The following KIF13B variants were observed in gnomAD, a reference collection of about 807,000 sequenced individuals.
The protein encoded by KIF13B is kinesin-like protein KIF13B.
KIF13B carries 127 observed loss-of-function variants against 222.0 expected under a neutral mutation model. That is an observed-to-expected ratio of 0.57 (90% CI 0.50 to 0.66). The LOEUF is 0.66. Ranked by LOEUF, KIF13B falls within the 30% of genes least tolerant of loss-of-function variation. The probability of loss-of-function intolerance (pLI) is 0.00; values close to 1 mark genes in which losing one functional copy is unlikely to be tolerated. For missense variants in KIF13B, 2,173 were observed against 2,379.0 expected (o/e 0.91, Z 1.80); for synonymous variants, 976 against 919.0 (o/e 1.06, Z -1.12).
rs560438202 is a variant in KIF13B at position 29,224,299 on chromosome 8, G to A, written c.149+21047C>T. Among the ~76,000 whole-genome samples, 15 of 152,118 alleles carry A rather than the reference G, an allele frequency of 9.9e-5. No homozygotes were observed. In the Middle Eastern group the frequency reaches 0.014, roughly 138 times the overall value. Reference sequence around the variant, plus strand: ...ATTACAGGCGTGAGCCACCGCGCCCGGCCTCAGTTTTCTTAAACATCAATA... The same window carrying A: ...ATTACAGGCGTGAGCCACCGCGCCCAGCCTCAGTTTTCTTAAACATCAATA... On this transcript the variant is annotated intron_variant, in intron 2 of 39. Transcript: ENST00000524189.
At chr8:29,144,876 A>G (rs1464606303) in intron 18 of KIF13B, among the ~76,000 whole-genome samples, 1 of 152,252 alleles carries the variant, frequency 6.6e-6, no homozygotes, top group Non-Finnish European at 1.5e-5. Flanking sequence ...GCCAGGCGAC[A>G]TGAGTTCTTC....
intron 24 of KIF13B, among the ~76,000 whole-genome samples, chr8:29,128,709 G>T (rs2129803433): frequency 6.6e-6 from 1 of 152,240 alleles, no homozygotes; most frequent in African/African-American, 2.4e-5. Context: ...GAAAGGATCT[G>T]GCAATGGTTT....
chr8:29,188,678 A>C, intron 4 of KIF13B, 71 bp from the exon 5 acceptor site: 2 of 960,916 alleles, frequency 2.1e-6, no homozygotes, highest in South Asian at 1.5e-5. Flanking sequence ...CAAAACAAAA[A>C]CAAAAATCTC....
intron 3 of KIF13B, among the ~76,000 whole-genome samples, chr8:29,192,716 A>C (rs747377413): frequency 6.6e-6 from 1 of 152,226 alleles, no homozygotes; most frequent in African/African-American, 2.4e-5. Context: ...AATTAGGTTA[A>C]GATGGTAAAT....
intron 2 of KIF13B, among the ~76,000 whole-genome samples, chr8:29,205,274 A>G (rs1245321746): frequency 6.6e-6 from 1 of 152,204 alleles, no homozygotes; most frequent in East Asian, 1.9e-4. Context: ...AGAAGACATC[A>G]CATTAGAAAA....
In KIF13B at chr8:29,228,472, A is replaced by AAAAAAAAAATATAT; in HGVS notation, c.149+16873_149+16874insATATATTTTTTTTT. 2.0e-3 allele frequency among the ~76,000 whole-genome samples: 234 copies of AAAAAAAAAATATAT among 117,064 alleles called. 9 individuals are homozygous for AAAAAAAAAATATAT. The highest frequency in any genetic ancestry group is 7.0e-3 in the African/African-American group (216 of 30,714). 76.8% of individuals were successfully genotyped at this position (117,064 alleles called of 152,430 possible). On this transcript the variant is annotated intron_variant, in intron 2 of 39. Coordinates refer to ENST00000524189, the MANE Select transcript of KIF13B (RefSeq NM_015254.4). ...ACAGAGCCAGACTCCATCTTAAAAA[A>AAAAAAAAAATATAT]ATATATATATATATATATGAGATAC...
chr8:29,133,449 C>A (rs891711809), intron 22 of KIF13B, among the ~76,000 whole-genome samples: 1 of 151,930 alleles, frequency 6.6e-6, no homozygotes, highest in Admixed American at 6.6e-5. Flanking sequence ...AAATTAGCTG[C>A]GCATGGTGGC....
At chr8:29,238,172 T>C (rs988987344) in intron 2 of KIF13B, among the ~76,000 whole-genome samples, 8 of 152,210 alleles carry the variant, frequency 5.3e-5, no homozygotes, top group East Asian at 1.9e-4. Context: ...AGCATCCATA[T>C]AGCAGTAGAG....
At chr8:29,263,117 C>G, upstream of KIF13B, 1 of 1,255,696 alleles carries the variant, frequency 8.0e-7, no homozygotes, top group South Asian at 1.3e-5. Flanking sequence ...CGGGAGGGGG[C>G]CGGGGGCGGA....
At chr8:29,209,362 A>G (rs1814103573) in intron 2 of KIF13B, among the ~76,000 whole-genome samples, 1 of 152,148 alleles carries the variant, frequency 6.6e-6, no homozygotes, top group African/African-American at 2.4e-5. Flanking sequence ...TACTCTCTGC[A>G]GCTCACACAG....
intron 2 of KIF13B, among the ~76,000 whole-genome samples, chr8:29,233,465 C>A (rs75486564): frequency 0.021 from 3,133 of 152,292 alleles, 114 homozygotes; most frequent in African/African-American, 0.07. Flanking sequence ...TACACATTTA[C>A]GTGACATTGC....
intron 2 of KIF13B, among the ~76,000 whole-genome samples, chr8:29,244,702 A>C (rs1230155705): frequency 2.6e-5 from 4 of 152,138 alleles, no homozygotes; most frequent in Non-Finnish European, 4.4e-5. Context: ...TACTAAGAAA[A>C]CCCAAAATAA....
intron 38 of KIF13B, among the ~76,000 whole-genome samples, chr8:29,074,377 A>C (rs937262656): frequency 2.0e-5 from 3 of 152,230 alleles, no homozygotes; most frequent in Non-Finnish European, 2.9e-5. Flanking sequence ...GAAAGCACAG[A>C]CTGGCACTCC....
rs747032473 is a variant in KIF13B at position 29,155,714 on chromosome 8, C to T, written c.1535+12G>A. On this transcript the variant is annotated intron_variant, in intron 14 of 39. Transcript: ENST00000524189. The stretch of plus-strand genomic sequence containing the variant: ...AACTCTTGTGATATGAACACTAATT[C>T]AAGTATGTTACCTGGTGTTCTTCTG... 1.6e-5 allele frequency: 25 copies of T among 1,599,482 alleles called. No individual in the cohort carries two copies. Among genetic ancestry groups the T allele is most frequent in the Middle Eastern group, 1.7e-4 (1 of 5,988 alleles).
intron 6 of KIF13B, among the ~76,000 whole-genome samples, chr8:29,182,785 G>A (rs186694595): frequency 1.3e-5 from 2 of 152,182 alleles, no homozygotes; most frequent in Admixed American, 1.3e-4. Flanking sequence ...GTTAGGAGGA[G>A]TAAGTTCTTG....
At position 29,070,643 on chromosome 8, in the gene KIF13B, A is replaced by T. The variant is rs566940732; in HGVS notation, c.5342T>A (p.Leu1781His). 39 of 1,567,366 alleles carry T rather than the reference A, an allele frequency of 2.5e-5. No homozygotes were observed. The highest frequency in any genetic ancestry group is 3.3e-5 in the Non-Finnish European group (38 of 1,156,120). The stretch of plus-strand genomic sequence containing the variant: ...GCGGGCCTCGGGGGCACCCAGCCGG[A>T]GTCCTGTGCTGCGCCGCCGCACAGG... ...TGPVRRRSTG[L>H]RLGAPEARRS... Residue 1781 changes from leucine (L) to histidine (H), a missense_variant, in exon 40 of 40, where the codon CTC (leucine) becomes CAC (histidine). Leu to His is a moderately conservative substitution (Grantham distance 99). This residue lies in a region of KIF13B where 693 missense variants were observed against 656.2 expected (regional missense o/e 1.06). Coordinates refer to ENST00000524189, the MANE Select transcript of KIF13B (RefSeq NM_015254.4). This position sits in a 1 kb window ranked among gnomAD's most constrained non-coding sequence, Gnocchi z 4.1.
chr8:29,108,208 A>G lies in KIF13B; in HGVS notation c.4162-16T>C. 6.2e-7 allele frequency: 1 copy of G among 1,609,484 alleles called. No homozygotes were observed. The highest frequency in any genetic ancestry group is 2.2e-5 in the East Asian group (1 of 44,832). ...TTCCAGACAACTGAAGAAGAAAGAA[A>G]GGGGGGTTAGTTATTTATGCATCAG... On this transcript the variant is annotated splice_polypyrimidine_tract_variant and intron_variant, in intron 34 of 39. Transcript: ENST00000524189.
chr8:29,176,833 A>T (rs1812500853), intron 9 of KIF13B, among the ~76,000 whole-genome samples: 2 of 151,966 alleles, frequency 1.3e-5, no homozygotes, highest in Non-Finnish European at 1.5e-5. Flanking sequence ...CAAGCACCTC[A>T]ACAAAACCTA....
At chr8:29,156,301 G>A (rs1360050761) in intron 13 of KIF13B, among the ~76,000 whole-genome samples, 1 of 152,074 alleles carries the variant, frequency 6.6e-6, no homozygotes, top group Admixed American at 6.6e-5. Flanking sequence ...AATGAAGCCA[G>A]GCATGGTTGA....
Sources: gnomAD v4.1 joint callset for allele counts (sites outside exome capture counted in the v4.1 genomes callset) on GRCh38, gnomAD v4.1.1 for gene constraint, gnomAD v4.1.1 regional missense constraint, Gnocchi (gnomAD v3.1) non-coding constraint, MANE v1.5 for transcripts, NCBI Gene and HGNC (gene_info 2026-07-23, HGNC 2026-07-21) for gene names.